The following FYN variants were observed in gnomAD, a reference collection of about 807,000 sequenced individuals.
FYN encodes tyrosine-protein kinase Fyn.
FYN carries 10 observed loss-of-function variants against 70.2 expected under a neutral mutation model. That is an observed-to-expected ratio of 0.14 (90% CI 0.09 to 0.24). FYN has a LOEUF of 0.24. FYN is among the 10% of genes least tolerant of loss of function. The probability of loss-of-function intolerance (pLI) is 1.00; values close to 1 mark genes in which losing one functional copy is unlikely to be tolerated. For missense variants in FYN, 319 were observed against 673.1 expected, an observed-to-expected ratio of 0.47 and a Z score of 5.82; for synonymous variants, 236 against 248.6, an observed-to-expected ratio of 0.95 and a Z score of 0.48.
chr6:111,706,868 C>G (rs1162533445), intron 6 of FYN, among the ~76,000 whole-genome samples: 1 of 152,040 alleles, frequency 6.6e-6, no homozygotes, highest in East Asian at 1.9e-4. Flanking sequence ...ATACAAATAC[C>G]TTGATTCACT....
chr6:111,730,143 T>C (rs1801381920), intron 3 of FYN, among the ~76,000 whole-genome samples: 1 of 152,350 alleles, frequency 6.6e-6, no homozygotes, highest in East Asian at 1.9e-4. Context: ...GCTGAGCGTG[T>C]GCTCTTAACT....
chr6:111,859,082 C>T (rs985538205), intron 1 of FYN, among the ~76,000 whole-genome samples: 8 of 152,030 alleles, frequency 5.3e-5, no homozygotes, highest in African/African-American at 1.9e-4. Flanking sequence ...CAACTGAGGG[C>T]CCCCTTACCT....
At chr6:111,745,886 A>ACATTAC (rs1802187841) in intron 3 of FYN, among the ~76,000 whole-genome samples, 1 of 152,224 alleles carries the variant, frequency 6.6e-6, no homozygotes, top group African/African-American at 2.4e-5. Flanking sequence ...GCCTTCAGTA[A>ACATTAC]TGTTTCCCCT....
intron 2 of FYN, among the ~76,000 whole-genome samples, chr6:111,800,416 C>T (rs1771947848): frequency 6.6e-6 from 1 of 152,096 alleles, no homozygotes; most frequent in South Asian, 2.1e-4. Flanking sequence ...CGAGTCCTCA[C>T]AGCCACTCAC....
chr6:111,829,803 C>T (rs1772958134), intron 2 of FYN, among the ~76,000 whole-genome samples: 1 of 152,166 alleles, frequency 6.6e-6, no homozygotes, highest in Non-Finnish European at 1.5e-5. Flanking sequence ...GCCACGGATA[C>T]ATGCATGATT....
chr6:111,677,701 C>T (rs1171552167), intron 12 of FYN, among the ~76,000 whole-genome samples: 1 of 152,106 alleles, frequency 6.6e-6, no homozygotes, highest in Non-Finnish European at 1.5e-5. Context: ...GTTGCCTTTC[C>T]CTTGAAAGTA....
intron 3 of FYN, among the ~76,000 whole-genome samples, chr6:111,739,004 C>T (rs1175786386): frequency 2.6e-5 from 4 of 152,156 alleles, no homozygotes; most frequent in Non-Finnish European, 4.4e-5. Context: ...TGCATTCCTC[C>T]TGCCAAGAAT....
At chr6:111,743,019 T>C (rs1802049046) in intron 3 of FYN, among the ~76,000 whole-genome samples, 1 of 150,150 alleles carries the variant, frequency 6.7e-6, no homozygotes, top group South Asian at 2.1e-4. Context: ...CAGGCTGGAG[T>C]GCAGTGGCAC....
At chr6:111,752,914 G>C (rs942054088) in intron 3 of FYN, among the ~76,000 whole-genome samples, 1 of 152,176 alleles carries the variant, frequency 6.6e-6, no homozygotes, top group South Asian at 2.1e-4. Flanking sequence ...TGGTGGAATG[G>C]AACTGGGCAC....
intron 13 of FYN, among the ~76,000 whole-genome samples, chr6:111,662,160 CATG>C (rs1797769532): frequency 6.6e-6 from 1 of 152,164 alleles, no homozygotes; most frequent in African/African-American, 2.4e-5. Flanking sequence ...ACTCTCAAAA[CATG>C]ATAAGTGAAG....
chr6:111,724,527 G>A (rs911520288), intron 3 of FYN, among the ~76,000 whole-genome samples: 5 of 152,188 alleles, frequency 3.3e-5, no homozygotes, highest in African/African-American at 7.2e-5. Flanking sequence ...CTTGCAGGAC[G>A]TGTGATAAGA....
intron 2 of FYN, among the ~76,000 whole-genome samples, chr6:111,830,882 G>A (rs539309337): frequency 7.9e-5 from 12 of 152,062 alleles, no homozygotes; most frequent in African/African-American, 2.9e-4. Flanking sequence ...CCTATGCAGA[G>A]AAGGTATATA....
intron 3 of FYN, among the ~76,000 whole-genome samples, chr6:111,766,378 C>T (rs1445061796): frequency 2.0e-5 from 3 of 152,140 alleles, no homozygotes; most frequent in East Asian, 3.9e-4. Context: ...TTAACAGAGC[C>T]TGGAATGTAC....
intron 2 of FYN, among the ~76,000 whole-genome samples, chr6:111,785,625 T>G (rs1309851067): frequency 6.6e-6 from 1 of 152,180 alleles, no homozygotes; most frequent in Non-Finnish European, 1.5e-5. Context: ...TTGCCCAAGT[T>G]CTTATTAGTG....
intron 7 of FYN, among the ~76,000 whole-genome samples, chr6:111,703,468 G>A (rs559101590): frequency 4.6e-5 from 7 of 152,300 alleles, no homozygotes; most frequent in African/African-American, 1.7e-4. Context: ...CTAGAAGTGA[G>A]CTTCAAGCTT....
At chr6:111,806,936 C>G (rs1772167754) in intron 2 of FYN, among the ~76,000 whole-genome samples, 1 of 152,182 alleles carries the variant, frequency 6.6e-6, no homozygotes, top group Non-Finnish European at 1.5e-5. Flanking sequence ...ACCCCTGGGT[C>G]CACGCAGGAT....
At chr6:111,849,019 C>G (rs6568708) in intron 1 of FYN, among the ~76,000 whole-genome samples, 2 of 152,000 alleles carry the variant, frequency 1.3e-5, no homozygotes, top group Non-Finnish European at 2.9e-5. Context: ...CATGTGCGTA[C>G]AGATATATTA....
chr6:111,866,501 C>T (rs1183886306), intron 1 of FYN, among the ~76,000 whole-genome samples: 4 of 152,198 alleles, frequency 2.6e-5, no homozygotes, highest in Non-Finnish European at 4.4e-5. Context: ...GCCACCACAC[C>T]GGGCTAATTT....
chr6:111,733,963 T>C (rs945158417), intron 3 of FYN, among the ~76,000 whole-genome samples: 14 of 152,156 alleles, frequency 9.2e-5, no homozygotes, highest in African/African-American at 2.7e-4. Context: ...GGTATGTGCC[T>C]GTAGTCTCAG....
Sources: gnomAD v4.1 joint callset for allele counts (sites outside exome capture counted in the v4.1 genomes callset) on GRCh38, gnomAD v4.1.1 for gene constraint, MANE v1.5 for transcripts, NCBI Gene and HGNC (gene_info 2026-07-23, HGNC 2026-07-21) for gene names.